The following VWC2 variants were observed in gnomAD, a reference collection of about 807,000 sequenced individuals.
VWC2 encodes the protein brorin.
Under a neutral mutation model 29.8 loss-of-function variants are expected in VWC2, and 14 were observed. The observed-to-expected ratio is 0.47, with a 90% CI of 0.31 to 0.74. The LOEUF is 0.74. Among genes scored for constraint, VWC2 ranks in the 30% least tolerant of loss-of-function variants. The pLI is 0.05. For missense variants in VWC2, 457 were observed against 459.8 expected (o/e 0.99, Z 0.05); for synonymous variants, 213 against 199.0 (o/e 1.07, Z -0.59).
intron 3 of VWC2, among the ~76,000 whole-genome samples, chr7:49,843,918 T>A (rs1341087625): frequency 6.6e-6 from 1 of 152,184 alleles, no homozygotes; most frequent in Non-Finnish European, 1.5e-5. Flanking sequence ...ATAGCAGAGC[T>A]TTAAAAGATG....
At chr7:49,894,121 T>A (rs963921854) in intron 3 of VWC2, among the ~76,000 whole-genome samples, 4 of 151,978 alleles carry the variant, frequency 2.6e-5, no homozygotes, top group African/African-American at 9.7e-5. Flanking sequence ...GGAGGAGATA[T>A]GACATAGACA....
intron 2 of VWC2, among the ~76,000 whole-genome samples, chr7:49,777,131 A>T (rs1331547291): frequency 6.6e-6 from 1 of 152,196 alleles, no homozygotes; most frequent in Non-Finnish European, 1.5e-5. Flanking sequence ...AAACACCTCA[A>T]GGTAGGTTCA....
At chr7:49,894,646 G>GTGT (rs2128731971) in intron 3 of VWC2, among the ~76,000 whole-genome samples, 2 of 152,364 alleles carry the variant, frequency 1.3e-5, no homozygotes, top group South Asian at 4.1e-4. Flanking sequence ...CTGCAGTGCT[G>GTGT]TGTTGGCTCC....
chr7:49,901,248 A>G (rs1389860945), intron 3 of VWC2: 1 of 151,936 alleles, frequency 6.6e-6, no homozygotes, highest in Non-Finnish European at 1.5e-5. Context: ...AATAAAATGT[A>G]TACTGATAGG....
At position 49,906,571 on chromosome 7, in the gene VWC2, C is replaced by T. The variant is rs183954288; in HGVS notation, c.827-5463C>T. On this transcript the variant is annotated intron_variant, in intron 3 of 3. Transcript: ENST00000340652. The stretch of plus-strand genomic sequence containing the variant: ...CAGGATGGTCTTGATCTCCTGACCT[C>T]GTGATCCACCCACCTTGGCCTCACA... Among the ~76,000 whole-genome samples, 578 of 152,292 alleles carry T rather than the reference C, an allele frequency of 3.8e-3. 2 individuals are homozygous for T. The highest frequency in any genetic ancestry group is 6.2e-3 in the Non-Finnish European group (424 of 68,032).
chr7:49,813,905 A>T (rs1355423640), intron 3 of VWC2, among the ~76,000 whole-genome samples: 2 of 152,236 alleles, frequency 1.3e-5, no homozygotes, highest in Non-Finnish European at 2.9e-5. Context: ...TATTTAGCAG[A>T]AACACACAAT....
chr7:49,787,483 G>A (rs1583625448), intron 2 of VWC2, among the ~76,000 whole-genome samples: 1 of 152,172 alleles, frequency 6.6e-6, no homozygotes, highest in African/African-American at 2.4e-5. Flanking sequence ...CCCACCTGGT[G>A]ACACTGTGGC....
chr7:49,803,531 C>G (rs528693376), intron 3 of VWC2, among the ~76,000 whole-genome samples: 1 of 152,206 alleles, frequency 6.6e-6, no homozygotes, highest in Non-Finnish European at 1.5e-5. Flanking sequence ...TGGGAAACAG[C>G]GGACAGAGGG....
chr7:49,920,588 C>T lies in VWC2; in HGVS notation c.*8403C>T, dbSNP rs1035903759. On this transcript the variant is annotated 3_prime_UTR_variant, in exon 4 of 4. Coordinates refer to ENST00000340652, the MANE Select transcript of VWC2 (RefSeq NM_198570.5). ...GGATGTAAGGGAACAGAGAGAGACTCTGCTTGGCCGAGTTTGCTATTCTCA... is the reference window on the plus strand; with the variant it reads ...GGATGTAAGGGAACAGAGAGAGACTTTGCTTGGCCGAGTTTGCTATTCTCA... 1.3e-5 allele frequency: 2 copies of T among 152,224 alleles called. No homozygotes were observed. Among genetic ancestry groups the T allele is most frequent in the Non-Finnish European group, 1.5e-5 (1 of 68,044 alleles). The allele number at this position is 152,224 out of a possible 1,614,324, so 9.4% of individuals were successfully genotyped here. A position where few individuals can be genotyped will look rare whatever the true frequency, so the allele number is the denominator to read the frequency against.
chr7:49,783,777 C>A (rs1443034285), intron 2 of VWC2, among the ~76,000 whole-genome samples: 4 of 152,108 alleles, frequency 2.6e-5, no homozygotes, highest in Non-Finnish European at 5.9e-5. Flanking sequence ...TGGCCAGGCA[C>A]AGTGGCTCAT....
intron 3 of VWC2, among the ~76,000 whole-genome samples, chr7:49,835,214 G>T (rs1379074730): frequency 1.3e-5 from 2 of 152,206 alleles, no homozygotes; most frequent in Non-Finnish European, 2.9e-5. Context: ...ATGGCTACTG[G>T]ACATCAGTTA....
In VWC2 at chr7:49,915,968, A is replaced by C. The variant is rs1273987480; in HGVS notation, c.*3783A>C. ...CATCTGATGGTTGATACAGTCAGTA[A>C]CTATTCTGAAGAATCAGATTAAGAG... On this transcript the variant is annotated 3_prime_UTR_variant, in exon 4 of 4. Transcript: ENST00000340652. 2 of 152,192 alleles carry C rather than the reference A, an allele frequency of 1.3e-5. No individual in the cohort carries two copies. The highest frequency in any genetic ancestry group is 2.9e-5 in the Non-Finnish European group (2 of 68,032). The allele number at this position is 152,192 out of a possible 1,614,324, so 9.4% of individuals were successfully genotyped here.
rs1449449864 is a variant in VWC2 at position 49,917,718 on chromosome 7, C to T, written c.*5533C>T. Reference sequence around the variant, plus strand: ...CTAATTATATTAAGACCAACATATACATTAAAGTGTATTTAGATGATTAAT... The same window carrying T: ...CTAATTATATTAAGACCAACATATATATTAAAGTGTATTTAGATGATTAAT... On this transcript the variant is annotated 3_prime_UTR_variant, in exon 4 of 4. Transcript: ENST00000340652. 6.6e-6 allele frequency: 1 copy of T among 151,956 alleles called. No homozygotes were observed. Among genetic ancestry groups the T allele is most frequent in the Non-Finnish European group, 1.5e-5 (1 of 67,954 alleles). The allele number at this position is 151,956 out of a possible 1,614,324, so 9.4% of individuals were successfully genotyped here.
At chr7:49,792,645 C>T (rs1788490048) in intron 2 of VWC2, among the ~76,000 whole-genome samples, 1 of 152,200 alleles carries the variant, frequency 6.6e-6, no homozygotes, top group South Asian at 2.1e-4. Flanking sequence ...GTTTCCTTGG[C>T]CACCCTTCCT....
chr7:49,827,426 A>AC lies in VWC2; in HGVS notation c.826+24586_826+24587insC, dbSNP rs1470658041. Among the ~76,000 whole-genome samples the AC allele has an allele frequency of 7.3e-3, 34 of 4,658 alleles. 1 individual carries two copies. The South Asian group carries it at 0.19, about 26-fold the overall frequency. 3.1% of individuals were successfully genotyped at this position (4,658 alleles called of 152,430 possible). A position where few individuals can be genotyped will look rare whatever the true frequency, so the allele number is the denominator to read the frequency against. ...ATAGAAAAGTCCAGCCCATTTTGGT[A>AC]TTTTATACCAAATATAAAATGGTCC... On this transcript the variant is annotated intron_variant, in intron 3 of 3. Transcript: ENST00000340652.
chr7:49,867,635 C>G (rs1350929456), intron 3 of VWC2, among the ~76,000 whole-genome samples: 1 of 152,162 alleles, frequency 6.6e-6, no homozygotes, highest in Non-Finnish European at 1.5e-5. Flanking sequence ...CATTCACCCT[C>G]CTGAACTCTA....
intron 2 of VWC2, 50 bp from the exon 3 acceptor site, chr7:49,802,661 G>C (rs1481041858): frequency 6.2e-7 from 1 of 1,611,392 alleles, no homozygotes; most frequent in Non-Finnish European, 8.5e-7. Context: ...TGACCCTGTA[G>C]GATAAACATG....
At chr7:49,806,725 TGTGTGTGTGTTTGTGTGTGTGTGTGC>T (rs2128706680) in intron 3 of VWC2, among the ~76,000 whole-genome samples, 1 of 152,080 alleles carries the variant, frequency 6.6e-6, no homozygotes, top group Non-Finnish European at 1.5e-5. Flanking sequence ...GAATGGTGTG[TGTGTGTGTGTTTGTGTGTGTGTGTGC>T]GTGTGTGTGT....
At chr7:49,835,635 A>G (rs542351002) in intron 3 of VWC2, among the ~76,000 whole-genome samples, 1 of 152,376 alleles carries the variant, frequency 6.6e-6, no homozygotes, top group African/African-American at 2.4e-5. Flanking sequence ...GGAGCCTATG[A>G]AGAAATGGAA....
Sources: allele counts gnomAD v4.1 joint callset (sites outside exome capture counted in the v4.1 genomes callset), GRCh38; gene constraint gnomAD v4.1.1; transcripts MANE v1.5; gene names NCBI Gene and HGNC (gene_info 2026-07-23, HGNC 2026-07-21).